The following FANCI variants were observed in gnomAD, a reference collection of about 807,000 sequenced individuals.
FANCI encodes Fanconi anemia group I protein.
FANCI carries 156 observed loss-of-function variants against 176.1 expected under a neutral mutation model. The ratio of observed to expected loss-of-function variants is 0.89; its 90% confidence interval spans 0.78 to 1.01. The LOEUF (loss-of-function observed/expected upper bound fraction) is 1.01, where lower values mean the gene tolerates loss of function less well. Ranked by LOEUF, FANCI falls within the 50% of genes least tolerant of loss-of-function variation. The pLI is 0.00. For synonymous variants in FANCI, 613 were observed against 541.7 expected, an observed-to-expected ratio of 1.13 and a Z score of -1.83; for missense variants, 1,678 against 1,534.1, an observed-to-expected ratio of 1.09 and a Z score of -1.57.
At chr15:89,273,938 G>C (rs1182087038) in intron 11 of FANCI, among the ~76,000 whole-genome samples, 1 of 152,012 alleles carries the variant, frequency 6.6e-6, no homozygotes, top group Non-Finnish European at 1.5e-5. Flanking sequence ...CTTGTCTTCA[G>C]CTCCTTAAAG....
At chr15:89,282,980 T>C (rs927855668) in intron 16 of FANCI, 156 bp from the exon 17 acceptor site, 1 of 743,956 alleles carries the variant, frequency 1.3e-6, no homozygotes, top group Non-Finnish European at 2.3e-6. Context: ...GAACAGCTGA[T>C]ACCTTATTTT....
intron 27 of FANCI, 43 bp from the exon 28 acceptor site, chr15:89,303,821 T>C (rs374999457): frequency 2.4e-5 from 37 of 1,566,742 alleles, no homozygotes; most frequent in Non-Finnish European, 3.3e-5. Context: ...CCTAGGTCTA[T>C]CTCTGGCATG....
In FANCI at chr15:89,276,865, G is replaced by A; in HGVS notation, c.1267G>A (p.Ala423Thr). ...AAACCAGCATGCATGTAAGCTCGGA[G>A]CTAATATCCTGTTGGAAACTTTTAA... ...MPNQHACKLG[A>T]NILLETFKIH... The change falls in exon 13 of 38, where the codon GCT becomes ACT. Residue 423 changes from alanine (A) to threonine (T), a missense_variant. Transcript: ENST00000310775. 6.2e-7 allele frequency: 1 copy of A among 1,614,180 alleles called. No homozygotes were observed. Among genetic ancestry groups the A allele is most frequent in the Non-Finnish European group, 8.5e-7 (1 of 1,180,030 alleles).
chr15:89,300,551 T>G (rs2054489073), intron 26 of FANCI, among the ~76,000 whole-genome samples, 166 bp downstream of exon 26: 1 of 152,180 alleles, frequency 6.6e-6, no homozygotes, highest in African/African-American at 2.4e-5. Flanking sequence ...GATAATGTAT[T>G]TAAAAGGACC....
chr15:89,300,454 C>A, intron 26 of FANCI, 69 bp downstream of exon 26: 1 of 1,414,830 alleles, frequency 7.1e-7, no homozygotes, highest in Non-Finnish European at 1.0e-6. Flanking sequence ...GCAGGGGCAG[C>A]TGGTAAGAAT....
rs754053297 is a variant in FANCI at position 89,317,078 on chromosome 15, G to A, written c.*619G>A. 6 of 589,510 alleles carry A rather than the reference G, an allele frequency of 1.0e-5. No homozygotes were observed. Among genetic ancestry groups the A allele is most frequent in the Non-Finnish European group, 1.8e-5 (6 of 333,762 alleles). 36.5% of individuals were successfully genotyped at this position (589,510 alleles called of 1,614,324 possible). Reference sequence around the variant, plus strand: ...TATTTAAAGCACAGTTTGTTTTTCTGTCACCTATAGAGTGCAAGAATGCAC... The same window carrying A: ...TATTTAAAGCACAGTTTGTTTTTCTATCACCTATAGAGTGCAAGAATGCAC... On this transcript the variant is annotated 3_prime_UTR_variant, in exon 38 of 38. Coordinates refer to ENST00000310775, the MANE Select transcript of FANCI (RefSeq NM_001113378.2).
intron 34 of FANCI, 65 bp from the exon 35 acceptor site, chr15:89,312,839 G>C (rs2055022818): frequency 8.4e-7 from 1 of 1,192,078 alleles, no homozygotes; most frequent in Non-Finnish European, 1.2e-6. Context: ...AAAAAAATTA[G>C]CACTAGCATG....
At chr15:89,314,100 A>G (rs375214181) in intron 35 of FANCI, among the ~76,000 whole-genome samples, 30 of 142,620 alleles carry the variant, frequency 2.1e-4, no homozygotes, top group African/African-American at 8.5e-4. Context: ...ACAAATTACA[A>G]TTCACGTTAG....
In FANCI at chr15:89,305,990, A is replaced by G. The variant is rs2054703114; in HGVS notation, c.3350-17A>G. On this transcript the variant is annotated splice_polypyrimidine_tract_variant and intron_variant, in intron 31 of 37. Coordinates refer to ENST00000310775, the MANE Select transcript of FANCI (RefSeq NM_001113378.2). ...AACGAAGTTGGGTTTGAATGTGCCA[A>G]TTTTATTTCCCTTTAGAAGAGGCCT... 2.5e-6 allele frequency: 4 copies of G among 1,614,044 alleles called. No homozygotes were observed. Among genetic ancestry groups the G allele is most frequent in the African/African-American group, 1.3e-5 (1 of 75,022 alleles).
Position 89,314,641 on chromosome 15 carries a change from C to G in FANCI, c.3750C>G (p.Ile1250Met). The change falls in exon 36 of 38, where the codon ATC becomes ATG. Residue 1250 changes from isoleucine (I) to methionine (M), a missense_variant. By Grantham distance (10) the Ile-to-Met change is conservative. Coordinates refer to ENST00000310775, the MANE Select transcript of FANCI (RefSeq NM_001113378.2). ...MARVLRETKP[I>M]PNLIFAIEQY... The stretch of plus-strand genomic sequence containing the variant: ...GAGTTCTTCGGGAAACCAAGCCAAT[C>G]CCTAACCTCATCTTTGCCATAGAAC... 1 of 1,614,102 alleles carries G rather than the reference C, an allele frequency of 6.2e-7. No homozygotes were observed.
chr15:89,286,736 A>C (rs533939217), intron 18 of FANCI, among the ~76,000 whole-genome samples: 38 of 152,142 alleles, frequency 2.5e-4, no homozygotes, highest in Non-Finnish European at 4.7e-4. Context: ...ATTGATTTCA[A>C]CTTAAAGTCA....
At chr15:89,266,105 T>G (rs2052944211) in intron 9 of FANCI, among the ~76,000 whole-genome samples, 1 of 146,218 alleles carries the variant, frequency 6.8e-6, no homozygotes, top group Non-Finnish European at 1.5e-5. Context: ...CAAGTGACCC[T>G]CCAGCCTCTG....
At chr15:89,285,632 A>T (rs556874699) in intron 18 of FANCI, among the ~76,000 whole-genome samples, 2 of 152,324 alleles carry the variant, frequency 1.3e-5, no homozygotes, top group African/African-American at 4.8e-5. Flanking sequence ...AATTTTTTTA[A>T]GGTGAGAAAT....
intron 34 of FANCI, chr15:89,308,123 G>A (rs993253666): frequency 1.8e-6 from 2 of 1,095,660 alleles, no homozygotes; most frequent in Non-Finnish European, 2.2e-6. Flanking sequence ...AATACCATCA[G>A]ATTCCTGCAG....
At position 89,281,269 on chromosome 15, in the gene FANCI, A is replaced by G. The variant is rs1214081735; in HGVS notation, c.1481A>G (p.Gln494Arg). The change falls in exon 15 of 38, where the codon CAG becomes CGG. Residue 494 changes from glutamine (Q) to arginine (R), a missense_variant. Transcript: ENST00000310775. ...AFDYLSFLPL[Q>R]TVQRLLKAVQ... ...GACTATTTGTCCTTTCTGCCCCTTC[A>G]GACTGTACAAAGGCTGCTTAAGGCA... 6 of 1,613,918 alleles carry G rather than the reference A, an allele frequency of 3.7e-6. No individual in the cohort carries two copies. The highest frequency in any genetic ancestry group is 5.1e-6 in the Non-Finnish European group (6 of 1,179,854).
rs1444636132 is a variant in FANCI, at chr15:89,312,885, T to C, written c.3652-19T>C. 6.3e-7 allele frequency: 1 copy of C among 1,595,672 alleles called. No homozygotes were observed. Among genetic ancestry groups the C allele is most frequent in the Non-Finnish European group, 8.6e-7 (1 of 1,163,884 alleles). Reference sequence around the variant, plus strand: ...AGAAAAATCATCAGGAATAAGAGAATGTGTTTCTATTTCTTTAGAATAAGA... The same window carrying C: ...AGAAAAATCATCAGGAATAAGAGAACGTGTTTCTATTTCTTTAGAATAAGA... On this transcript the variant is annotated intron_variant, in intron 34 of 37. Transcript: ENST00000310775.
chr15:89,277,870 G>A (rs1489431909), intron 13 of FANCI, among the ~76,000 whole-genome samples: 3 of 152,098 alleles, frequency 2.0e-5, no homozygotes, highest in Admixed American at 6.5e-5. Context: ...CACACCAAGA[G>A]TGTCTGCTGA....
At chr15:89,290,313 C>G (rs2054012039) in intron 19 of FANCI, 32 bp downstream of exon 19, 3 of 1,523,384 alleles carry the variant, frequency 2.0e-6, no homozygotes, top group Admixed American at 3.3e-5. Context: ...ATATGGAAAA[C>G]AGACCATCAA....
Position 89,263,443 on chromosome 15 carries a change from A to C in FANCI, c.528A>C (p.Gln176His), listed in dbSNP as rs145939211. 2.5e-6 allele frequency: 4 copies of C among 1,612,912 alleles called. No individual in the cohort carries two copies. Among genetic ancestry groups the C allele is most frequent in the East Asian group, 2.2e-5 (1 of 44,808 alleles). The change falls in exon 7 of 38, where the codon CAA becomes CAC. Residue 176 changes from glutamine (Q) to histidine (H), a missense_variant. By Grantham distance (24) the Gln-to-His change is conservative. Transcript: ENST00000310775. ...SGRWDQQYVI[Q>H]LTSMFKDVPL... ...GGTGGGATCAGCAATATGTAATCCA[A>C]CTCACCTCCATGTTCAAGTAAGCAT...
Sources: gnomAD v4.1 joint callset for allele counts (sites outside exome capture counted in the v4.1 genomes callset) on GRCh38, gnomAD v4.1.1 for gene constraint, MANE v1.5 for transcripts, NCBI Gene and HGNC (gene_info 2026-07-23, HGNC 2026-07-21) for gene names.